The following ADCY2 variants were observed in gnomAD, a reference collection of about 807,000 sequenced individuals.
The protein encoded by ADCY2 is adenylate cyclase 2.
Under a neutral mutation model 125.2 loss-of-function variants are expected in ADCY2, and 31 were observed. The ratio of observed to expected loss-of-function variants is 0.25; its 90% CI spans 0.19 to 0.33. The LOEUF is 0.33. Among genes scored for constraint, ADCY2 ranks in the 10% least tolerant of loss-of-function variants. The pLI, the probability that ADCY2 is intolerant of heterozygous loss-of-function variation, is 1.00. For missense variants in ADCY2, 904 were observed against 1,418.2 expected, an observed-to-expected ratio of 0.64 and a Z score of 5.82; for synonymous variants, 512 against 548.4, an observed-to-expected ratio of 0.93 and a Z score of 0.93.
intron 3 of ADCY2, among the ~76,000 whole-genome samples, chr5:7,546,011 C>T (rs1263230161): frequency 2.0e-5 from 3 of 152,192 alleles, no homozygotes; most frequent in Admixed American, 6.5e-5. Flanking sequence ...AAATTCACTT[C>T]TTCTGTCTTA....
rs935275935 is a variant in ADCY2, at chr5:7,802,511, T to C, written c.2775+147T>C. 7 of 863,848 alleles carry C rather than the reference T, an allele frequency of 8.1e-6. No individual in the cohort carries two copies. The highest frequency in any genetic ancestry group is 1.0e-5 in the Non-Finnish European group (6 of 581,464). 53.5% of individuals were successfully genotyped at this position (863,848 alleles called of 1,614,324 possible). On this transcript the variant is annotated intron_variant, in intron 21 of 24. Transcript: ENST00000338316. The surrounding 1 kb of genome is among the most constrained non-coding windows in gnomAD (Gnocchi z 4.6). ...CAGATGGCATTAAAGCCTTTTGCTTTATTTAGGTCTCTGACTAATTTAAGG... is the reference window on the plus strand; with the variant it reads ...CAGATGGCATTAAAGCCTTTTGCTTCATTTAGGTCTCTGACTAATTTAAGG...
At chr5:7,412,285 AT>A (rs1438598580) in intron 1 of ADCY2, among the ~76,000 whole-genome samples, 3 of 152,150 alleles carry the variant, frequency 2.0e-5, no homozygotes, top group Non-Finnish European at 4.4e-5. Context: ...CCCTGCTGGG[AT>A]AATGAAATGA....
chr5:7,764,276 CAT>C (rs1335900534), intron 16 of ADCY2, among the ~76,000 whole-genome samples: 2 of 152,192 alleles, frequency 1.3e-5, no homozygotes, highest in South Asian at 4.1e-4. Context: ...TTGAGAATCA[CAT>C]ATGAGTGGCC....
In ADCY2 at chr5:7,597,863, T is replaced by C. The variant is rs555781770; in HGVS notation, c.571-28304T>C. Among the ~76,000 whole-genome samples the C allele has an allele frequency of 1.3e-3, 193 of 152,272 alleles. 1 individual carries two copies. The highest frequency in any genetic ancestry group is 2.1e-3 in the Non-Finnish European group (142 of 68,020). On this transcript the variant is annotated intron_variant, in intron 3 of 24. Transcript: ENST00000338316. The stretch of plus-strand genomic sequence containing the variant: ...TCGTTCTCACCCACTCACCCCTTGA[T>C]AATTCATAGAACACCTGTGTACCTT...
chr5:7,414,622 C>T lies in ADCY2; in HGVS notation c.260C>T (p.Ala87Val), dbSNP rs759785562. The T allele has an allele frequency of 5.6e-6, 9 of 1,613,218 alleles. No individual in the cohort carries two copies. Among genetic ancestry groups the T allele is most frequent in the South Asian group, 2.2e-5 (2 of 90,856 alleles). Reference protein sequence around the residue: ...AFLITVPTALAIFFAIFILVC... With the variant: ...AFLITVPTALVIFFAIFILVC... ...CTAATAACAGTTCCAACTGCCCTGG[C>T]GATTTTCTTTGCGATATTTATCCTG... The change falls in exon 2 of 25, where the codon GCG (alanine) becomes GTG (valine). Residue 87 changes from alanine to valine, a missense_variant. By Grantham distance (64) the Ala-to-Val change is moderately conservative. Coordinates refer to ENST00000338316, the MANE Select transcript of ADCY2 (RefSeq NM_020546.3).
At chr5:7,723,440 G>C (rs997506129) in intron 12 of ADCY2, among the ~76,000 whole-genome samples, 1 of 152,136 alleles carries the variant, frequency 6.6e-6, no homozygotes, top group Non-Finnish European at 1.5e-5. Flanking sequence ...CTGGCAGTGA[G>C]AGTCTTCCAA....
chr5:7,553,590 G>C (rs1332523644), intron 3 of ADCY2, among the ~76,000 whole-genome samples: 2 of 152,242 alleles, frequency 1.3e-5, no homozygotes, highest in Non-Finnish European at 2.9e-5. Flanking sequence ...AGTCAGTTGG[G>C]CCTGGGTAAT....
chr5:7,806,307 G>C (rs1181339568), intron 22 of ADCY2, among the ~76,000 whole-genome samples: 1 of 151,538 alleles, frequency 6.6e-6, no homozygotes, highest in Non-Finnish European at 1.5e-5. Context: ...GGAAAACATT[G>C]ACCATTAAAA....
chr5:7,666,174 T>G (rs765650184), intron 4 of ADCY2, among the ~76,000 whole-genome samples: 13 of 151,598 alleles, frequency 8.6e-5, no homozygotes, highest in Non-Finnish European at 5.9e-5. Flanking sequence ...CTTTAATCAC[T>G]TTGTCTAAAT....
chr5:7,707,628 G>GA, intron 8 of ADCY2, 78 bp from the exon 9 acceptor site: 3 of 1,534,770 alleles, frequency 2.0e-6, no homozygotes, highest in Non-Finnish European at 2.7e-6. Context: ...AATTATTTCA[G>GA]AAATCATGAG....
At chr5:7,447,959 C>G (rs1259223036) in intron 2 of ADCY2, among the ~76,000 whole-genome samples, 1 of 152,196 alleles carries the variant, frequency 6.6e-6, no homozygotes, top group Non-Finnish European at 1.5e-5. Flanking sequence ...GAGGGGGCAG[C>G]TGCAGAGCTT....
chr5:7,464,602 G>A (rs918579045), intron 2 of ADCY2, among the ~76,000 whole-genome samples: 1 of 152,132 alleles, frequency 6.6e-6, no homozygotes, highest in African/African-American at 2.4e-5. Flanking sequence ...GTTCACCTCA[G>A]CTTAGGGCAT....
intron 3 of ADCY2, among the ~76,000 whole-genome samples, chr5:7,609,096 A>G (rs1737484638): frequency 6.6e-6 from 1 of 152,192 alleles, no homozygotes; most frequent in Non-Finnish European, 1.5e-5. Context: ...AGGTGACAAA[A>G]CATAGCTTCA....
chr5:7,556,400 T>G (rs1735507479), intron 3 of ADCY2, among the ~76,000 whole-genome samples: 1 of 152,216 alleles, frequency 6.6e-6, no homozygotes, highest in Admixed American at 6.5e-5. Context: ...GAATGAACAG[T>G]AAATTTGTGA....
intron 3 of ADCY2, among the ~76,000 whole-genome samples, chr5:7,617,394 G>A (rs747057983): frequency 8.5e-5 from 13 of 152,150 alleles, no homozygotes; most frequent in Non-Finnish European, 1.6e-4. Context: ...CTACAACTTG[G>A]CCTTGGACTG....
intron 4 of ADCY2, among the ~76,000 whole-genome samples, chr5:7,680,770 G>C (rs1030591403): frequency 1.2e-4 from 18 of 152,254 alleles, no homozygotes; most frequent in African/African-American, 3.9e-4. Flanking sequence ...TAAGCTCTAA[G>C]CCATGGTTTA....
intron 20 of ADCY2, chr5:7,800,340 A>C (rs2126519314): frequency 6.6e-6 from 1 of 152,348 alleles, no homozygotes. Context: ...GGACAGTGTC[A>C]GCAGAGAGTG....
intron 2 of ADCY2, among the ~76,000 whole-genome samples, chr5:7,442,904 T>A (rs762982888): frequency 1.1e-4 from 17 of 152,322 alleles, no homozygotes; most frequent in Non-Finnish European, 2.4e-4. Context: ...TTGATACTCC[T>A]GAATATTATC....
At chr5:7,730,502 G>A (rs907906639) in intron 14 of ADCY2, among the ~76,000 whole-genome samples, 27 of 151,788 alleles carry the variant, frequency 1.8e-4, no homozygotes, top group East Asian at 5.8e-4. Flanking sequence ...AAAATTATTC[G>A]TTTCTTCAAA....
Sources: allele counts gnomAD v4.1 joint callset (sites outside exome capture counted in the v4.1 genomes callset), GRCh38; gene constraint gnomAD v4.1.1; non-coding constraint Gnocchi (gnomAD v3.1); transcripts MANE v1.5; gene names NCBI Gene and HGNC (gene_info 2026-07-23, HGNC 2026-07-21).